The following ATXN8OS variants were observed in gnomAD, a reference collection of about 807,000 sequenced individuals.
ATXN8OS encodes the protein ATXN8 opposite strand lncRNA.
chr13:70,149,744 G>A (rs781621304), intron 4 of ATXN8OS, among the ~76,000 whole-genome samples: 1 of 152,088 alleles, frequency 6.6e-6, no homozygotes, highest in Non-Finnish European at 1.5e-5. Context: ...TACTGCTGGG[G>A]CTAGGGACAT....
chr13:70,140,255 C>T (rs767049363), intron 3 of ATXN8OS, among the ~76,000 whole-genome samples: 29 of 151,714 alleles, frequency 1.9e-4, no homozygotes, highest in Non-Finnish European at 4.1e-4. Flanking sequence ...CCTCTGTCAA[C>T]AATAAGTTAT....
intron 2 of ATXN8OS, among the ~76,000 whole-genome samples, chr13:70,127,349 T>C (rs1888453543): frequency 1.3e-5 from 2 of 152,060 alleles, no homozygotes; most frequent in Admixed American, 1.3e-4. Context: ...ACTTTTAATA[T>C]GAAGATTTCT....
chr13:70,107,542 T>TGAGA, upstream of ATXN8OS: 1 of 1,609,644 alleles, frequency 6.2e-7, no homozygotes, highest in Non-Finnish European at 8.5e-7. Context: ...CAGGCGACTC[T>TGAGA]GGCTGGGTCC....
Position 70,112,920 on chromosome 13 carries a change from A to ATATATTTTTTTT in ATXN8OS, n.241-2220_241-2219insATATTTTTTTTT, listed in dbSNP as rs1555298511. ...ACTGCTGAGGGACTTTATATATATA[A>ATATATTTTTTTT]TTTTTTTTTTTTTTTTTTTTGAGAT... On this transcript the variant is annotated intron_variant and non_coding_transcript_variant, in intron 1 of 4. Coordinates refer to ENST00000678624, the Ensembl canonical transcript of ATXN8OS. 1.4e-4 allele frequency among the ~76,000 whole-genome samples: 12 copies of ATATATTTTTTTT among 87,566 alleles called. 1 individual carries two copies. Among genetic ancestry groups the ATATATTTTTTTT allele is most frequent in the Non-Finnish European group, 1.3e-4 (6 of 45,988 alleles). 57.4% of individuals were successfully genotyped at this position (87,566 alleles called of 152,430 possible). A position where few individuals can be genotyped will look rare whatever the true frequency, so the allele number is the denominator to read the frequency against.
chr13:70,107,938 C>T (rs942281442), exon 1 of ATXN8OS: 4 of 479,282 alleles, frequency 8.3e-6, no homozygotes, highest in Non-Finnish European at 1.5e-5. Context: ...GGGGACACCA[C>T]CAGGCAGGAG....
At chr13:70,107,902 T>C (rs929672585) in exon 1 of ATXN8OS, 11 of 523,520 alleles carry the variant, frequency 2.1e-5, no homozygotes, top group Non-Finnish European at 3.3e-5. Flanking sequence ...GTTTCAGCCG[T>C]GGTCGGGTCC....
At chr13:70,143,729 A>T (rs1260240159) in intron 3 of ATXN8OS, among the ~76,000 whole-genome samples, 1 of 152,060 alleles carries the variant, frequency 6.6e-6, no homozygotes, top group Non-Finnish European at 1.5e-5. Context: ...TACTACTGGA[A>T]CTCTATGAAG....
At chr13:70,168,826 C>T (rs1889109403) in intron 4 of ATXN8OS, among the ~76,000 whole-genome samples, 1 of 152,052 alleles carries the variant, frequency 6.6e-6, no homozygotes, top group South Asian at 2.1e-4. Context: ...CTTCAGAAAA[C>T]CCATGTTTTG....
chr13:70,117,254 G>T (rs1311792885), intron 2 of ATXN8OS, among the ~76,000 whole-genome samples: 3 of 151,984 alleles, frequency 2.0e-5, no homozygotes, highest in Non-Finnish European at 2.9e-5. Flanking sequence ...ACACACAAAA[G>T]TAACCATTTT....
intron 3 of ATXN8OS, chr13:70,130,820 C>T: frequency 2.5e-6 from 1 of 398,420 alleles, no homozygotes; most frequent in Non-Finnish European, 4.4e-6. Context: ...CCCCAATGAC[C>T]AGGGAGAATG....
intron 1 of ATXN8OS, chr13:70,108,164 T>C: frequency 2.5e-6 from 1 of 399,862 alleles, no homozygotes; most frequent in African/African-American, 2.1e-5. Context: ...TTCTTGTCCT[T>C]GCAGCTCAGA....
chr13:70,164,674 C>T (rs2137506855), intron 4 of ATXN8OS, among the ~76,000 whole-genome samples: 1 of 152,032 alleles, frequency 6.6e-6, no homozygotes, highest in South Asian at 2.1e-4. Context: ...TGATATTAAC[C>T]TGCACAAGAA....
At chr13:70,151,319 G>A (rs2137499054) in intron 4 of ATXN8OS, among the ~76,000 whole-genome samples, 1 of 151,972 alleles carries the variant, frequency 6.6e-6, no homozygotes, top group South Asian at 2.1e-4. Flanking sequence ...CCTTCCCCCG[G>A]CAACTGACAT....
chr13:70,140,304 G>C (rs926184576), intron 3 of ATXN8OS, among the ~76,000 whole-genome samples: 1 of 151,888 alleles, frequency 6.6e-6, no homozygotes, highest in Non-Finnish European at 1.5e-5. Flanking sequence ...AAAGTTACTG[G>C]AGTAAGTATT....
intron 1 of ATXN8OS, among the ~76,000 whole-genome samples, chr13:70,111,509 T>A (rs1831176787): frequency 6.6e-6 from 1 of 152,088 alleles, no homozygotes; most frequent in Admixed American, 6.5e-5. Context: ...CTAATCCCAC[T>A]TCCATGATAA....
At chr13:70,138,011 C>T (rs1042627729) in intron 3 of ATXN8OS, among the ~76,000 whole-genome samples, 1 of 152,100 alleles carries the variant, frequency 6.6e-6, no homozygotes, top group African/African-American at 2.4e-5. Flanking sequence ...TTTTAAATGA[C>T]CAGACCTTGA....
chr13:70,150,693 A>C lies in ATXN8OS; in HGVS notation n.573+3265A>C, dbSNP rs115294022. ...GCACATCTTTCTAAAGTAATTACTG[A>C]CTCCTCTAGGAAGTATTTAGTGATT... On this transcript the variant is annotated intron_variant and non_coding_transcript_variant, in intron 4 of 4. Coordinates refer to ENST00000678624, the Ensembl canonical transcript of ATXN8OS. 3.8e-3 allele frequency among the ~76,000 whole-genome samples: 583 copies of C among 151,906 alleles called. 1 individual carries two copies. The highest frequency in any genetic ancestry group is 0.013 in the African/African-American group (546 of 41,434).
At chr13:70,123,915 A>G (rs919012047) in intron 2 of ATXN8OS, among the ~76,000 whole-genome samples, 1 of 152,130 alleles carries the variant, frequency 6.6e-6, no homozygotes, top group Non-Finnish European at 1.5e-5. Context: ...GTCATTTCAG[A>G]GTATGTTAAA....
At chr13:70,164,049 TTTATTCTTA>T (rs60674926) in intron 4 of ATXN8OS, among the ~76,000 whole-genome samples, 35,648 of 140,218 alleles carry the variant, frequency 0.25, 5,022 homozygotes, top group African/African-American at 0.33. Context: ...GCTGGAAGTT[TTTATTCTTA>T]TTATTATTAT....
Sources: gnomAD v4.1 joint callset for allele counts (sites outside exome capture counted in the v4.1 genomes callset) on GRCh38, gnomAD v4.1.1 for gene constraint, MANE v1.5 for transcripts, NCBI Gene and HGNC (gene_info 2026-07-23, HGNC 2026-07-21) for gene names.